TENM2: variants seen among roughly 807,000 people sequenced by gnomAD.
The protein encoded by TENM2 is teneurin transmembrane protein 2, also known as teneurin-2.
A neutral mutation model predicts 245.2 loss-of-function variants in TENM2; 52 were observed. The observed-to-expected ratio is 0.21, with a 90% CI of 0.17 to 0.27. TENM2 has a LOEUF of 0.27. TENM2 is among the 10% of genes least tolerant of loss of function. The pLI is 1.00. For synonymous variants in TENM2, 1,363 were observed against 1,438.9 expected (o/e 0.95, Z 1.19); for missense variants, 3,046 against 3,666.8 (o/e 0.83, Z 4.37).
rs191457299 is a variant in TENM2, at chr5:168,024,432, T to C, written c.1187-22995T>C. On this transcript the variant is annotated intron_variant, in intron 5 of 28. Coordinates refer to ENST00000518659, the Ensembl canonical transcript of TENM2. ...GAATCCGAAATCTCAATAATAACTT[T>C]CCCTTTGCTCAGCCTTTTAACTGTG... Among the ~76,000 whole-genome samples the C allele has an allele frequency of 2.8e-3, 427 of 152,294 alleles. 1 individual carries two copies. Among genetic ancestry groups the C allele is most frequent in the Non-Finnish European group, 4.7e-3 (319 of 68,026 alleles).
At chr5:167,720,002 G>T (rs1759523476) in intron 2 of TENM2, among the ~76,000 whole-genome samples, 1 of 152,142 alleles carries the variant, frequency 6.6e-6, no homozygotes, top group South Asian at 2.1e-4. Context: ...AAAGAGGGGG[G>T]GGCTTGGGGA....
chr5:167,788,505 T>C (rs1231523573), intron 2 of TENM2, among the ~76,000 whole-genome samples: 3 of 152,200 alleles, frequency 2.0e-5, no homozygotes, highest in Non-Finnish European at 4.4e-5. Context: ...TTAGTAATTG[T>C]TGGCAGCATA....
At chr5:167,450,821 ACC>A (rs1765530064) in intron 2 of TENM2, among the ~76,000 whole-genome samples, 1 of 151,964 alleles carries the variant, frequency 6.6e-6, no homozygotes, top group Non-Finnish European at 1.5e-5. Context: ...TACATTAGAT[ACC>A]TTACTGGGTG....
chr5:167,413,727 C>T (rs1031541922), intron 2 of TENM2, among the ~76,000 whole-genome samples: 7 of 152,060 alleles, frequency 4.6e-5, no homozygotes, highest in African/African-American at 9.7e-5. Context: ...ACTTTCAGTA[C>T]GTGGTTAATA....
chr5:167,331,930 T>C (rs1757484072), intron 1 of TENM2, among the ~76,000 whole-genome samples: 1 of 152,058 alleles, frequency 6.6e-6, no homozygotes, highest in Non-Finnish European at 1.5e-5. Flanking sequence ...GAAAATGCAG[T>C]AAAAAAATCA....
chr5:167,339,668 G>C (rs886379073), intron 1 of TENM2, among the ~76,000 whole-genome samples: 8 of 151,554 alleles, frequency 5.3e-5, no homozygotes, highest in African/African-American at 1.9e-4. Context: ...TTCTGCTATG[G>C]TATGTGTCTC....
intron 2 of TENM2, among the ~76,000 whole-genome samples, chr5:167,484,382 G>C (rs1397160191): frequency 6.6e-6 from 1 of 152,076 alleles, no homozygotes; most frequent in African/African-American, 2.4e-5. Context: ...TTATAAAAAG[G>C]ATAATCTTGG....
At chr5:167,557,845 A>C (rs544821422) in intron 2 of TENM2, among the ~76,000 whole-genome samples, 1 of 152,314 alleles carries the variant, frequency 6.6e-6, no homozygotes, top group African/African-American at 2.4e-5. Flanking sequence ...ACATGTCAAT[A>C]GTGCTGAGGT....
chr5:167,598,211 T>C (rs534820448), intron 2 of TENM2, among the ~76,000 whole-genome samples: 52 of 152,358 alleles, frequency 3.4e-4, no homozygotes, highest in African/African-American at 1.0e-3. Flanking sequence ...GGAAGGCATA[T>C]GGTTACAACA....
chr5:167,825,317 GT>G (rs1001078500), intron 2 of TENM2, among the ~76,000 whole-genome samples: 29 of 152,066 alleles, frequency 1.9e-4, no homozygotes, highest in Non-Finnish European at 4.1e-4. Flanking sequence ...TCTTGGTGGG[GT>G]TTTTTTATGT....
intron 9 of TENM2, among the ~76,000 whole-genome samples, chr5:168,104,894 A>G (rs1794122015): frequency 6.6e-6 from 1 of 152,164 alleles, no homozygotes; most frequent in Non-Finnish European, 1.5e-5. Flanking sequence ...AATGTGTGTG[A>G]TCTGCCCACT....
rs755614167 is a variant in TENM2, at chr5:167,445,311, T to TTATATA, written c.502+69859_502+69864dup. Among the ~76,000 whole-genome samples the TTATATA allele has an allele frequency of 4.5e-3, 312 of 69,918 alleles. 1 individual carries two copies. The highest frequency in any genetic ancestry group is 7.9e-3 in the East Asian group (12 of 1,516). 45.9% of individuals were successfully genotyped at this position (69,918 alleles called of 152,430 possible). Reference sequence around the variant, plus strand: ...GTCAGGCTTATTATAAACCATATGATTATATATATATATATATATATATAT... The same window carrying TTATATA: ...GTCAGGCTTATTATAAACCATATGATTATATATATATATATATATATATATATATAT... On this transcript the variant is annotated intron_variant, in intron 2 of 28. Coordinates refer to ENST00000518659, the Ensembl canonical transcript of TENM2.
intron 2 of TENM2, among the ~76,000 whole-genome samples, chr5:167,564,746 C>A (rs981067215): frequency 1.3e-5 from 2 of 152,156 alleles, no homozygotes; most frequent in Non-Finnish European, 2.9e-5. Context: ...CGTTTCCCTC[C>A]TCTTGGTTTT....
At chr5:168,125,600 A>C (rs1897558) in intron 11 of TENM2, among the ~76,000 whole-genome samples, 39,972 of 152,034 alleles carry the variant, frequency 0.26, 5,674 homozygotes, top group Admixed American at 0.44. Flanking sequence ...GGTTCTGTTC[A>C]CACTGACAAG....
At chr5:167,665,270 A>G (rs1402216928) in intron 2 of TENM2, among the ~76,000 whole-genome samples, 2 of 152,190 alleles carry the variant, frequency 1.3e-5, no homozygotes, top group Non-Finnish European at 2.9e-5. Flanking sequence ...CTTGGCATAC[A>G]GTAAACAAAT....
At chr5:167,021,567 A>G in the TENM2 span, among the ~76,000 whole-genome samples, 2 of 152,194 alleles carry the variant, frequency 1.3e-5, no homozygotes, top group East Asian at 1.9e-4. Flanking sequence ...GTTTTTATCT[A>G]TGCATGTCCA....
intron 9 of TENM2, among the ~76,000 whole-genome samples, chr5:168,106,876 C>T (rs776222322): frequency 5.3e-5 from 8 of 152,288 alleles, no homozygotes; most frequent in South Asian, 2.1e-4. Flanking sequence ...GCCTGGGCAA[C>T]GTGGTGCAAT....
chr5:167,342,806 C>T (rs537722838), intron 1 of TENM2, among the ~76,000 whole-genome samples: 3 of 151,634 alleles, frequency 2.0e-5, no homozygotes, highest in South Asian at 2.1e-4. Flanking sequence ...GGATTACAGG[C>T]GTGAGCCACC....
At chr5:167,965,602 C>T (rs1400808675) in intron 4 of TENM2, 1 of 151,222 alleles carries the variant, frequency 6.6e-6, no homozygotes, top group Non-Finnish European at 1.5e-5. Flanking sequence ...AAAAAAAATT[C>T]TCTCCAGAAA....
Sources: allele counts gnomAD v4.1 joint callset (sites outside exome capture counted in the v4.1 genomes callset), GRCh38; gene constraint gnomAD v4.1.1; transcripts MANE v1.5; gene names NCBI Gene and HGNC (gene_info 2026-07-23, HGNC 2026-07-21).